The following MSRA variants were observed in gnomAD, a reference collection of about 807,000 sequenced individuals.
The protein encoded by MSRA is methionine sulfoxide reductase A.
In MSRA, 54 loss-of-function variants were observed where a neutral mutation model predicts 31.3. The ratio of observed to expected loss-of-function variants is 1.73; its 90% CI spans 1.39 to 2.17. The LOEUF is 2.17. MSRA is among the 30% of genes most tolerant of loss of function. The probability of loss-of-function intolerance (pLI) is 0.00; values close to 1 mark genes in which losing one functional copy is unlikely to be tolerated. For synonymous variants in MSRA, 169 were observed against 116.5 expected (o/e 1.45, Z -2.90); for missense variants, 507 against 300.9 (o/e 1.69, Z -5.07).
chr8:10,061,330 G>A (rs1422914390), intron 1 of MSRA, among the ~76,000 whole-genome samples: 1 of 152,078 alleles, frequency 6.6e-6, no homozygotes, highest in Non-Finnish European at 1.5e-5. Context: ...GACCTGTATT[G>A]TCCATATATC....
intron 1 of MSRA, among the ~76,000 whole-genome samples, chr8:10,061,407 C>CT (rs377669339): frequency 5.3e-5 from 8 of 152,128 alleles, no homozygotes; most frequent in African/African-American, 1.9e-4. Flanking sequence ...GAAACCCATC[C>CT]TTTTTCTCTC....
chr8:10,069,314 A>G (rs533495395), intron 1 of MSRA, among the ~76,000 whole-genome samples: 136 of 152,344 alleles, frequency 8.9e-4, no homozygotes, highest in African/African-American at 3.2e-3. Flanking sequence ...GAGTAGTAAT[A>G]GTGGACATCT....
chr8:10,357,771 C>T (rs927390105), intron 5 of MSRA, among the ~76,000 whole-genome samples: 8 of 152,208 alleles, frequency 5.3e-5, no homozygotes, highest in African/African-American at 1.9e-4. Context: ...GTGGACACAC[C>T]ATACAATGTG....
intron 5 of MSRA, among the ~76,000 whole-genome samples, chr8:10,340,002 C>T (rs970477351): frequency 9.9e-5 from 15 of 152,166 alleles, no homozygotes; most frequent in African/African-American, 3.6e-4. Context: ...GCCCTAGCTG[C>T]CTTGTGTGTG....
chr8:10,215,867 A>G (rs914826762), intron 2 of MSRA, among the ~76,000 whole-genome samples: 1 of 152,236 alleles, frequency 6.6e-6, no homozygotes, highest in African/African-American at 2.4e-5. Flanking sequence ...TTTGACAACG[A>G]GAAAGATTTA....
At chr8:10,214,206 G>A (rs548190473) in intron 2 of MSRA, among the ~76,000 whole-genome samples, 14 of 152,236 alleles carry the variant, frequency 9.2e-5, no homozygotes, top group African/African-American at 2.9e-4. Flanking sequence ...GAGTGTTCGC[G>A]TGACCTTTTT....
chr8:10,313,389 A>T (rs1422077869), intron 4 of MSRA, among the ~76,000 whole-genome samples: 1 of 152,006 alleles, frequency 6.6e-6, no homozygotes, highest in Non-Finnish European at 1.5e-5. Flanking sequence ...AACTTCTATT[A>T]TGTCCACCCA....
intron 1 of MSRA, among the ~76,000 whole-genome samples, chr8:10,071,105 T>G (rs1443895318): frequency 1.3e-5 from 2 of 152,236 alleles, no homozygotes; most frequent in Non-Finnish European, 2.9e-5. Flanking sequence ...TTCTTCAGTT[T>G]GATATTCCCA....
At position 10,210,384 on chromosome 8, in the gene MSRA, T is replaced by G. The variant is rs193021259; in HGVS notation, c.211+2483T>G. Among the ~76,000 whole-genome samples, 36 of 152,268 alleles carry G rather than the reference T, an allele frequency of 2.4e-4. No individual in the cohort carries two copies. The East Asian group carries it at 6.9e-3, about 29-fold the overall frequency. Reference sequence around the variant, plus strand: ...GGTTCAAGGAACCATGGGAAGGCCTTATAGATTCAGGGACACCTTTCAGCT... The same window carrying G: ...GGTTCAAGGAACCATGGGAAGGCCTGATAGATTCAGGGACACCTTTCAGCT... On this transcript the variant is annotated intron_variant, in intron 2 of 5. Coordinates refer to ENST00000317173, the MANE Select transcript of MSRA (RefSeq NM_012331.5).
At chr8:10,347,777 C>A (rs913902489) in intron 5 of MSRA, among the ~76,000 whole-genome samples, 10 of 152,352 alleles carry the variant, frequency 6.6e-5, no homozygotes, top group African/African-American at 2.4e-4. Flanking sequence ...ACACACTTGA[C>A]TTTTCAATCC....
chr8:10,280,211 T>C (rs1355764884), intron 3 of MSRA, among the ~76,000 whole-genome samples: 4 of 152,172 alleles, frequency 2.6e-5, no homozygotes, highest in African/African-American at 9.6e-5. Context: ...CTGATCAATT[T>C]TTTTGCCTTC....
At chr8:10,301,719 A>G in intron 4 of MSRA, 81 bp downstream of exon 4, 1 of 1,132,338 alleles carries the variant, frequency 8.8e-7, no homozygotes, top group Middle Eastern at 2.0e-4. Context: ...CATGGAAGAG[A>G]TGAACCTTGA....
intron 1 of MSRA, among the ~76,000 whole-genome samples, chr8:10,104,364 G>C (rs532809237): frequency 6.6e-6 from 1 of 152,276 alleles, no homozygotes; most frequent in Non-Finnish European, 1.5e-5. Context: ...ACAGCCTCAG[G>C]AGGTCCTGAC....
chr8:10,295,853 C>A (rs752367502), intron 3 of MSRA, among the ~76,000 whole-genome samples: 1 of 152,094 alleles, frequency 6.6e-6, no homozygotes, highest in Non-Finnish European at 1.5e-5. Context: ...CAGAGGAAGT[C>A]GTTGACAGGG....
intron 5 of MSRA, among the ~76,000 whole-genome samples, chr8:10,368,724 G>A (rs1410336091): frequency 1.3e-5 from 2 of 152,214 alleles, no homozygotes; most frequent in East Asian, 1.9e-4. Flanking sequence ...TGAGTTAAAG[G>A]CATTACTAAG....
intron 1 of MSRA, among the ~76,000 whole-genome samples, chr8:10,134,301 G>A (rs1021507924): frequency 6.6e-6 from 1 of 152,198 alleles, no homozygotes; most frequent in Non-Finnish European, 1.5e-5. Flanking sequence ...TGGGAAAAAA[G>A]AAGCCTCCAG....
intron 1 of MSRA, among the ~76,000 whole-genome samples, chr8:10,105,545 G>C (rs1235492283): frequency 6.6e-6 from 1 of 152,162 alleles, no homozygotes; most frequent in Non-Finnish European, 1.5e-5. Flanking sequence ...ATAGCACACC[G>C]ATAATGTAGG....
chr8:10,078,314 G>C (rs1396151474), intron 1 of MSRA, among the ~76,000 whole-genome samples: 1 of 152,238 alleles, frequency 6.6e-6, no homozygotes, highest in Non-Finnish European at 1.5e-5. Flanking sequence ...CAGGATGGAA[G>C]CTGAAACGTG....
intron 4 of MSRA, among the ~76,000 whole-genome samples, chr8:10,312,308 A>G (rs966216419): frequency 6.6e-6 from 1 of 152,240 alleles, no homozygotes; most frequent in African/African-American, 2.4e-5. Flanking sequence ...AATATACAAC[A>G]TTAGGAATAA....
Sources: allele counts gnomAD v4.1 joint callset (sites outside exome capture counted in the v4.1 genomes callset), GRCh38; gene constraint gnomAD v4.1.1; transcripts MANE v1.5; gene names NCBI Gene and HGNC (gene_info 2026-07-23, HGNC 2026-07-21).